The following FBRSL1 variants were observed in gnomAD, a reference collection of about 807,000 sequenced individuals.
The protein encoded by FBRSL1 is fibrosin-1-like protein.
In FBRSL1, 51 loss-of-function variants were observed where a neutral mutation model predicts 89.6. The ratio of observed to expected loss-of-function variants is 0.57; its 90% CI spans 0.45 to 0.72. FBRSL1 has a LOEUF of 0.72. Ranked by LOEUF, FBRSL1 falls within the 30% of genes least tolerant of loss-of-function variation. FBRSL1 has a pLI of 0.00. For missense variants in FBRSL1, 1,618 were observed against 1,451.8 expected (o/e 1.11, Z -1.86); for synonymous variants, 779 against 681.1 (o/e 1.14, Z -2.24).
At chr12:132,558,749 G>C (rs2038876025) in intron 5 of FBRSL1, among the ~76,000 whole-genome samples, 1 of 152,218 alleles carries the variant, frequency 6.6e-6, no homozygotes, top group Non-Finnish European at 1.5e-5. Context: ...GAATGGCTGC[G>C]GGCTCCGCCA....
chr12:132,508,544 C>T (rs376460123), intron 2 of FBRSL1, among the ~76,000 whole-genome samples, 194 bp downstream of exon 2: 6 of 152,226 alleles, frequency 3.9e-5, no homozygotes, highest in Middle Eastern at 6.3e-3. Flanking sequence ...GGCTGGGTCA[C>T]GGAGGGGCCG....
rs2037667785 is a variant in FBRSL1 at position 132,546,154 on chromosome 12, G to C, written c.616-1849G>C. Among the ~76,000 whole-genome samples, 1 of 152,248 alleles carries C rather than the reference G, an allele frequency of 6.6e-6. No individual in the cohort carries two copies. Among genetic ancestry groups the C allele is most frequent in the Non-Finnish European group, 1.5e-5 (1 of 68,046 alleles). On this transcript the variant is annotated intron_variant, in intron 4 of 18. Coordinates refer to ENST00000680143, the MANE Select transcript of FBRSL1 (RefSeq NM_001367871.1). The surrounding 1 kb of genome is among the most constrained non-coding windows in gnomAD (Gnocchi z 4.0). ...GTGGCTTTCCCCTGCCCCACGTCCTGGTCTTTGCTTCCTTTGCTCCTGGCT... is the reference window on the plus strand; with the variant it reads ...GTGGCTTTCCCCTGCCCCACGTCCTCGTCTTTGCTTCCTTTGCTCCTGGCT...
intron 4 of FBRSL1, among the ~76,000 whole-genome samples, chr12:132,536,302 G>A (rs938820980): frequency 6.8e-6 from 1 of 146,250 alleles, no homozygotes; most frequent in African/African-American, 2.6e-5. Flanking sequence ...TACATGACGG[G>A]GTGTGTGAGT....
intron 4 of FBRSL1, among the ~76,000 whole-genome samples, chr12:132,534,388 A>G (rs902936516): frequency 1.3e-5 from 2 of 152,254 alleles, no homozygotes; most frequent in African/African-American, 2.4e-5. Flanking sequence ...GGTGAGGTCC[A>G]TGAGGAGACC....
intron 3 of FBRSL1, 130 bp from the exon 4 acceptor site, chr12:132,527,823 G>T (rs2035929068): frequency 2.4e-6 from 2 of 848,682 alleles, no homozygotes; most frequent in African/African-American, 1.7e-5. Flanking sequence ...GATCTGCGGG[G>T]CAGGGCTGTG....
intron 2 of FBRSL1, chr12:132,510,096 C>T: frequency 4.1e-6 from 5 of 1,225,646 alleles, no homozygotes; most frequent in South Asian, 4.1e-5. Flanking sequence ...GAAGCAGCCG[C>T]TCATGGGCCC....
At chr12:132,567,417 G>T (rs1447774174) in intron 5 of FBRSL1, 64 bp from the exon 6 acceptor site, 1 of 1,504,662 alleles carries the variant, frequency 6.6e-7, no homozygotes, top group Middle Eastern at 1.7e-4. Context: ...GTGGGCATTG[G>T]GCGCAAGGTC....
chr12:132,537,277 A>G (rs927166841), intron 4 of FBRSL1, among the ~76,000 whole-genome samples: 12 of 152,164 alleles, frequency 7.9e-5, no homozygotes, highest in Non-Finnish European at 1.5e-4. Flanking sequence ...AAAGCTGTTC[A>G]GAGTGAGACT....
rs1039870474 is a variant in FBRSL1, at chr12:132,571,062, C to T, written c.1214-6C>T. ...AGGGGCTCACCGTGTTCTCTCTTGC[C>T]TCTAGATGCCAGCCTGGCGGTCTCA... is the stretch of plus-strand genomic sequence containing the variant. On this transcript the variant is annotated splice_polypyrimidine_tract_variant and splice_region_variant and intron_variant, in intron 8 of 18. Transcript: ENST00000680143. 5.2e-6 allele frequency: 7 copies of T among 1,342,194 alleles called. No homozygotes were observed. The African/African-American group carries it at 7.5e-5, about 14-fold the overall frequency. The allele number at this position is 1,342,194 out of a possible 1,614,324, so 83.1% of individuals were successfully genotyped here.
chr12:132,512,007 C>T (rs761337108), intron 2 of FBRSL1: 2 of 985,470 alleles, frequency 2.0e-6, no homozygotes, highest in Non-Finnish European at 2.4e-6. Context: ...GATTTATTCC[C>T]ACAAAGGGCT....
At position 132,583,260 on chromosome 12, in the gene FBRSL1, C is replaced by T. The variant is rs56171012; in HGVS notation, c.2491C>T (p.Leu831=). Residue 831 remains leucine, a synonymous_variant, in exon 19 of 19, where the codon CTG becomes TTG. Transcript: ENST00000680143. Reference sequence around the variant, plus strand: ...GGCCTCCGAGCCCCCGGCGGGCGGCCTGCACCCCGCGCCCCTGCAGCTCGG... The same window carrying T: ...GGCCTCCGAGCCCCCGGCGGGCGGCTTGCACCCCGCGCCCCTGCAGCTCGG... ...DEASEPPAGG[L]HPAPLQLGLG... is the part of the protein sequence containing the mutation. 383,006 of 1,326,498 alleles carry T rather than the reference C, an allele frequency of 0.29. 57,377 individuals are homozygous for T. Among genetic ancestry groups the T allele is most frequent in the Non-Finnish European group, 0.31 (321,768 of 1,038,764 alleles). 82.2% of individuals were successfully genotyped at this position (1,326,498 alleles called of 1,614,324 possible). A position where few individuals can be genotyped will look rare whatever the true frequency, so the allele number is the denominator to read the frequency against.
intron 9 of FBRSL1, 28 bp from the exon 10 acceptor site, chr12:132,572,260 G>C (rs1447169300): frequency 6.5e-7 from 1 of 1,549,054 alleles, no homozygotes; most frequent in Non-Finnish European, 8.7e-7. Context: ...TGTGTGCGGG[G>C]CCTCACCCTC....
intron 4 of FBRSL1, among the ~76,000 whole-genome samples, chr12:132,545,607 G>C (rs1211579479): frequency 6.6e-6 from 1 of 152,192 alleles, no homozygotes; most frequent in South Asian, 2.1e-4. Flanking sequence ...TGAAACCCAC[G>C]GGGAGATCCG....
At chr12:132,541,527 C>T (rs1205921529) in intron 4 of FBRSL1, among the ~76,000 whole-genome samples, 3 of 152,226 alleles carry the variant, frequency 2.0e-5, no homozygotes, top group Non-Finnish European at 4.4e-5. Context: ...CCAGTTCTGC[C>T]CATGCAGGGG....
intron 14 of FBRSL1, among the ~76,000 whole-genome samples, chr12:132,575,394 A>T (rs548326518): frequency 5.9e-5 from 9 of 152,104 alleles, no homozygotes; most frequent in African/African-American, 1.9e-4. Flanking sequence ...CACCCGGCTA[A>T]TTTTTTGTAT....
intron 1 of FBRSL1, among the ~76,000 whole-genome samples, chr12:132,496,477 C>G (rs534529935): frequency 6.6e-6 from 1 of 152,310 alleles, no homozygotes; most frequent in South Asian, 2.1e-4. Context: ...ACTGTGTTTT[C>G]TGGCTGGTTG....
At position 132,581,825 on chromosome 12, in the gene FBRSL1, G is replaced by C; in HGVS notation, c.1996+1G>C. The C allele has an allele frequency of 6.5e-7, 1 of 1,543,684 alleles. No homozygotes were observed. The highest frequency in any genetic ancestry group is 8.7e-7 in the Non-Finnish European group (1 of 1,143,402). ...GGGGGCCTGGGCAGCCATGCACTGGGTGAGTGACCCAGCCTGTGCCCCCCT... is the reference window on the plus strand; with the variant it reads ...GGGGGCCTGGGCAGCCATGCACTGGCTGAGTGACCCAGCCTGTGCCCCCCT... On this transcript the variant is annotated splice_donor_variant, in intron 17 of 18. Transcript: ENST00000680143. LOFTEE classifies it high-confidence loss of function.
At chr12:132,580,877 GGGCCCA>G (rs1302585646) in intron 15 of FBRSL1, 18 of 985,280 alleles carry the variant, frequency 1.8e-5, no homozygotes, top group Non-Finnish European at 2.0e-5. Context: ...CCCAGGGCCC[GGGCCCA>G]GGCCCCACAC....
intron 4 of FBRSL1, among the ~76,000 whole-genome samples, chr12:132,536,575 TCA>T (rs1436628741): frequency 6.6e-5 from 10 of 151,036 alleles, no homozygotes; most frequent in African/African-American, 1.7e-4. Flanking sequence ...CATGTGTACA[TCA>T]CAGTGTGTGA....
Sources: allele counts gnomAD v4.1 joint callset (sites outside exome capture counted in the v4.1 genomes callset), GRCh38; gene constraint gnomAD v4.1.1; non-coding constraint Gnocchi (gnomAD v3.1); transcripts MANE v1.5; gene names NCBI Gene and HGNC (gene_info 2026-07-23, HGNC 2026-07-21).